Variants in PID1 observed in about 807,000 individuals in gnomAD.
PID1 encodes phosphotyrosine interaction domain containing 1, also known as PTB-containing, cubilin and LRP1-interacting protein.
A neutral mutation model predicts 19.1 loss-of-function variants in PID1; 10 were observed. The ratio of observed to expected loss-of-function variants is 0.52; its 90% CI spans 0.32 to 0.89. The LOEUF is 0.89. Ranked by LOEUF, PID1 falls within the 40% of genes least tolerant of loss-of-function variation. The pLI, the probability that PID1 is intolerant of heterozygous loss-of-function variation, is 0.03. For missense variants in PID1, 248 were observed against 285.3 expected (o/e 0.87, Z 0.94); for synonymous variants, 130 against 116.0 (o/e 1.12, Z -0.78).
At chr2:229,042,412 T>C (rs976610532) in intron 2 of PID1, among the ~76,000 whole-genome samples, 1 of 152,216 alleles carries the variant, frequency 6.6e-6, no homozygotes, top group African/African-American at 2.4e-5. Context: ...CATATACAGT[T>C]GACTAAGCAA....
At chr2:229,174,753 G>C (rs963436531) in intron 1 of PID1, among the ~76,000 whole-genome samples, 1 of 151,694 alleles carries the variant, frequency 6.6e-6, no homozygotes, top group Admixed American at 6.6e-5. Flanking sequence ...AGAGAGTACA[G>C]GTTTAAATAA....
intron 2 of PID1, among the ~76,000 whole-genome samples, chr2:229,103,005 T>A (rs1695104405): frequency 1.3e-5 from 2 of 152,162 alleles, no homozygotes; most frequent in South Asian, 4.1e-4. Flanking sequence ...AAATTTCAGA[T>A]CTTACAGGCA....
intron 2 of PID1, among the ~76,000 whole-genome samples, chr2:229,072,649 T>G (rs552007653): frequency 1.3e-3 from 203 of 152,222 alleles, no homozygotes; most frequent in Non-Finnish European, 2.1e-3. Context: ...ATTTTCATTT[T>G]CAGTGATGGT....
At chr2:229,154,002 T>C (rs1690313454) in intron 2 of PID1, among the ~76,000 whole-genome samples, 1 of 152,190 alleles carries the variant, frequency 6.6e-6, no homozygotes, top group Non-Finnish European at 1.5e-5. Context: ...CTTTCAAATT[T>C]ATAATTCCCT....
chr2:229,217,601 T>C (rs893496501), intron 1 of PID1, among the ~76,000 whole-genome samples: 1 of 152,140 alleles, frequency 6.6e-6, no homozygotes. Context: ...CAGTGTATAA[T>C]TGGTAATTTA....
intron 2 of PID1, among the ~76,000 whole-genome samples, chr2:229,048,716 T>A (rs1173519518): frequency 6.6e-6 from 1 of 152,192 alleles, no homozygotes; most frequent in Non-Finnish European, 1.5e-5. Context: ...ATTTTTTAAC[T>A]TTTCTAAATG....
At chr2:229,226,793 A>C (rs1692085877) in intron 1 of PID1, among the ~76,000 whole-genome samples, 1 of 152,240 alleles carries the variant, frequency 6.6e-6, no homozygotes, top group Non-Finnish European at 1.5e-5. Flanking sequence ...GAACCATTTC[A>C]TGACGGAAAA....
chr2:229,060,770 G>C (rs553132090), intron 2 of PID1, among the ~76,000 whole-genome samples: 1 of 151,676 alleles, frequency 6.6e-6, no homozygotes, highest in African/African-American at 2.4e-5. Flanking sequence ...CCATACCCTC[G>C]CCAACACTTC....
intron 2 of PID1, among the ~76,000 whole-genome samples, chr2:229,057,715 T>A (rs1694133232): frequency 6.6e-6 from 1 of 152,198 alleles, no homozygotes; most frequent in Non-Finnish European, 1.5e-5. Flanking sequence ...TAGAACTGGT[T>A]AGCTTTAAGA....
At chr2:229,145,487 C>G (rs1230064246) in intron 2 of PID1, among the ~76,000 whole-genome samples, 1 of 151,762 alleles carries the variant, frequency 6.6e-6, no homozygotes, top group African/African-American at 2.4e-5. Flanking sequence ...GATAAATAAA[C>G]CATAAATTCA....
chr2:229,090,361 A>T (rs567128306), intron 2 of PID1, among the ~76,000 whole-genome samples: 15 of 152,212 alleles, frequency 9.9e-5, no homozygotes, highest in Admixed American at 2.0e-4. Context: ...AAACCTGAAT[A>T]CACACAAGGC....
intron 2 of PID1, among the ~76,000 whole-genome samples, chr2:229,068,539 T>A (rs1574602441): frequency 6.6e-6 from 1 of 152,328 alleles, no homozygotes; most frequent in East Asian, 1.9e-4. Flanking sequence ...CACTACGTCA[T>A]TTTGTCAGTT....
chr2:229,232,119 AC>A, intron 1 of PID1: 2 of 1,469,102 alleles, frequency 1.4e-6, no homozygotes, highest in Non-Finnish European at 1.8e-6. Flanking sequence ...TGATGACTTA[AC>A]CACCTCTTAA....
chr2:229,029,569 G>A (rs553215377), intron 2 of PID1, among the ~76,000 whole-genome samples: 12 of 152,204 alleles, frequency 7.9e-5, no homozygotes, highest in African/African-American at 1.4e-4. Context: ...GAGGCCGGGC[G>A]CAGTGGCTCA....
Position 229,105,317 on chromosome 2 carries a change from G to A in PID1, c.177+50501C>T, listed in dbSNP as rs539851880. ...AAGGAAGCGGCCCATCCTCCCCAGG[G>A]GAGATTCAATCACCGACAGTGAGTT... On this transcript the variant is annotated intron_variant, in intron 2 of 2. Coordinates refer to ENST00000392055, the MANE Select transcript of PID1 (RefSeq NM_001100818.2). 8.5e-5 allele frequency among the ~76,000 whole-genome samples: 13 copies of A among 152,252 alleles called. 1 individual carries two copies. The highest frequency in any genetic ancestry group is 7.2e-4 in the Admixed American group (11 of 15,302).
intron 2 of PID1, among the ~76,000 whole-genome samples, chr2:229,129,133 T>A (rs866126307): frequency 1.3e-5 from 2 of 152,180 alleles, no homozygotes; most frequent in South Asian, 4.1e-4. Flanking sequence ...GCTTGGTGAA[T>A]ACAGAATCAG....
intron 1 of PID1, among the ~76,000 whole-genome samples, chr2:229,265,490 A>T (rs1410971477): frequency 6.6e-6 from 1 of 152,212 alleles, no homozygotes; most frequent in Admixed American, 6.5e-5. Context: ...TAGGGATCAC[A>T]ACTTTTTTTT....
chr2:229,142,843 T>C (rs1690043949), intron 2 of PID1, among the ~76,000 whole-genome samples: 2 of 151,974 alleles, frequency 1.3e-5, no homozygotes, highest in Non-Finnish European at 2.9e-5. Context: ...ATCCCATTAC[T>C]GGGTATATAC....
At position 229,114,174 on chromosome 2, in the gene PID1, A is replaced by AACACACACAC. The variant is rs151089843; in HGVS notation, c.177+41634_177+41643dup. Reference sequence around the variant, plus strand: ...CTTTCTCTCTCTCTCTCTCCACACAAACACACACACACACACACACACACA... The same window carrying AACACACACAC: ...CTTTCTCTCTCTCTCTCTCCACACAAACACACACACACACACACACACACACACACACACA... On this transcript the variant is annotated intron_variant, in intron 2 of 2. Coordinates refer to ENST00000392055, the MANE Select transcript of PID1 (RefSeq NM_001100818.2). 1.6e-3 allele frequency among the ~76,000 whole-genome samples: 202 copies of AACACACACAC among 124,662 alleles called. 1 individual carries two copies. Among genetic ancestry groups the AACACACACAC allele is most frequent in the African/African-American group, 4.7e-3 (167 of 35,882 alleles). The allele number at this position is 124,662 out of a possible 152,430, so 81.8% of individuals were successfully genotyped here. A position where few individuals can be genotyped will look rare whatever the true frequency, so the allele number is the denominator to read the frequency against.
Sources: allele counts gnomAD v4.1 joint callset (sites outside exome capture counted in the v4.1 genomes callset), GRCh38; gene constraint gnomAD v4.1.1; transcripts MANE v1.5; gene names NCBI Gene and HGNC (gene_info 2026-07-23, HGNC 2026-07-21).